CNTN1: variants seen among roughly 807,000 people sequenced by gnomAD.
The protein encoded by CNTN1 is contactin 1.
In CNTN1, 38 loss-of-function variants were observed where a neutral mutation model predicts 126.4. The ratio of observed to expected loss-of-function variants is 0.30; its 90% CI spans 0.23 to 0.39. The LOEUF (loss-of-function observed/expected upper bound fraction) is 0.39, where lower values mean the gene tolerates loss of function less well. CNTN1 is among the 10% of genes least tolerant of loss of function. The pLI, the probability that CNTN1 is intolerant of heterozygous loss-of-function variation, is 1.00. For synonymous variants in CNTN1, 413 were observed against 422.6 expected, an observed-to-expected ratio of 0.98 and a Z score of 0.28; for missense variants, 1,009 against 1,248.4, an observed-to-expected ratio of 0.81 and a Z score of 2.89.
At chr12:40,718,751 G>A (rs558789953) in intron 1 of CNTN1, among the ~76,000 whole-genome samples, 60 of 152,316 alleles carry the variant, frequency 3.9e-4, no homozygotes, top group Admixed American at 3.4e-3. Context: ...CAAGTTTAGA[G>A]TCAATAAGTG....
At chr12:40,865,742 A>G (rs1262260524) in intron 1 of CNTN1, among the ~76,000 whole-genome samples, 1 of 151,978 alleles carries the variant, frequency 6.6e-6, no homozygotes, top group Non-Finnish European at 1.5e-5. Context: ...GTGAATTTGA[A>G]ATTTAGAACT....
intron 1 of CNTN1, among the ~76,000 whole-genome samples, chr12:40,815,796 T>C (rs1242392531): frequency 6.6e-6 from 1 of 152,218 alleles, no homozygotes; most frequent in East Asian, 1.9e-4. Flanking sequence ...TTGTCATAAA[T>C]AGCTCTAATT....
intron 19 of CNTN1, among the ~76,000 whole-genome samples, chr12:41,017,889 C>T (rs1049835140): frequency 6.6e-5 from 10 of 151,852 alleles, no homozygotes; most frequent in Admixed American, 2.0e-4. Flanking sequence ...GTTGGGAGTT[C>T]GAGACCAGTG....
At chr12:40,696,983 AT>A in intron 1 of CNTN1, among the ~76,000 whole-genome samples, 1 of 152,280 alleles carries the variant, frequency 6.6e-6, no homozygotes, top group Admixed American at 6.5e-5. Flanking sequence ...ACATTTATTC[AT>A]TTCATTTAAT....
chr12:40,832,961 C>A (rs1256923310), intron 1 of CNTN1, among the ~76,000 whole-genome samples: 1 of 152,176 alleles, frequency 6.6e-6, no homozygotes, highest in East Asian at 1.9e-4. Context: ...ACAGTTCCCC[C>A]TCTCTCCCTC....
At chr12:40,861,888 C>T (rs1220467398) in intron 1 of CNTN1, among the ~76,000 whole-genome samples, 1 of 151,908 alleles carries the variant, frequency 6.6e-6, no homozygotes, top group East Asian at 1.9e-4. Context: ...TTACTTATGT[C>T]TTAAACCTCA....
chr12:40,840,440 C>T (rs1349419786), intron 1 of CNTN1, among the ~76,000 whole-genome samples: 4 of 151,934 alleles, frequency 2.6e-5, no homozygotes, highest in Non-Finnish European at 2.9e-5. Flanking sequence ...ATTATCTAGA[C>T]AGAAAATCAG....
intron 11 of CNTN1, among the ~76,000 whole-genome samples, chr12:40,939,006 G>GT (rs1218799202): frequency 6.6e-6 from 1 of 152,014 alleles, no homozygotes; most frequent in Non-Finnish European, 1.5e-5. Context: ...AAACTCCTGG[G>GT]TAAGCCATCT....
intron 1 of CNTN1, among the ~76,000 whole-genome samples, chr12:40,756,152 G>A (rs147637990): frequency 1.1e-4 from 16 of 152,178 alleles, no homozygotes; most frequent in African/African-American, 3.6e-4. Context: ...AGTGATTTTT[G>A]TAATGTGTCA....
At chr12:40,951,163 A>G (rs1330293411) in intron 14 of CNTN1, among the ~76,000 whole-genome samples, 2 of 152,170 alleles carry the variant, frequency 1.3e-5, no homozygotes, top group Non-Finnish European at 2.9e-5. Context: ...CAAAATGCTT[A>G]GGAGAAACCT....
chr12:40,830,584 A>G (rs1259796974), intron 1 of CNTN1, among the ~76,000 whole-genome samples: 1 of 151,208 alleles, frequency 6.6e-6, no homozygotes, highest in Non-Finnish European at 1.5e-5. Context: ...GTTTACTAAT[A>G]TAAGGGTTTA....
At position 40,755,963 on chromosome 12, in the gene CNTN1, A is replaced by G. The variant is rs1489872032; in HGVS notation, c.-77+63371A>G. ...GGTTTGGTTGGTTCAATTTCAGGAG[A>G]TTGTTCATAAATGTAAAGTGAAAAC... On this transcript the variant is annotated intron_variant, in intron 1 of 23. Transcript: ENST00000551295. Among the ~76,000 whole-genome samples the G allele has an allele frequency of 2.0e-5, 3 of 152,088 alleles. No individual in the cohort carries two copies. In the East Asian group the frequency reaches 5.8e-4, roughly 29 times the overall value.
chr12:40,895,100 G>A (rs1004327829), intron 1 of CNTN1, among the ~76,000 whole-genome samples: 1 of 152,102 alleles, frequency 6.6e-6, no homozygotes, highest in African/African-American at 2.4e-5. Flanking sequence ...TTTATAAAGT[G>A]TCAAATTGAT....
At chr12:40,998,245 A>AAAT (rs1948271108) in intron 17 of CNTN1, among the ~76,000 whole-genome samples, 1 of 152,210 alleles carries the variant, frequency 6.6e-6, no homozygotes, top group African/African-American at 2.4e-5. Context: ...TAATTTAAAC[A>AAAT]AATAGTCTGT....
intron 1 of CNTN1, among the ~76,000 whole-genome samples, chr12:40,822,599 G>C (rs192748980): frequency 1.3e-5 from 2 of 152,046 alleles, no homozygotes; most frequent in African/African-American, 4.8e-5. Flanking sequence ...ATTAAAGTGT[G>C]ATATAACGTA....
chr12:40,751,984 A>C (rs1371921489), intron 1 of CNTN1, among the ~76,000 whole-genome samples: 1 of 151,946 alleles, frequency 6.6e-6, no homozygotes, highest in African/African-American at 2.4e-5. Context: ...ATTTATTCGT[A>C]TTTATCTGAG....
At chr12:41,045,927 T>G (rs967211466) in intron 23 of CNTN1, among the ~76,000 whole-genome samples, 3 of 152,066 alleles carry the variant, frequency 2.0e-5, no homozygotes, top group Non-Finnish European at 4.4e-5. Context: ...AAGCAAATAA[T>G]CAGTCTTGGG....
At chr12:40,860,371 C>T (rs1565845083) in intron 1 of CNTN1, among the ~76,000 whole-genome samples, 1 of 152,106 alleles carries the variant, frequency 6.6e-6, no homozygotes, top group Admixed American at 6.6e-5. Flanking sequence ...TGGACACCAA[C>T]TGGGTGTTCA....
At chr12:41,020,477 C>A in intron 20 of CNTN1, 37 bp downstream of exon 20, 1 of 1,278,118 alleles carries the variant, frequency 7.8e-7, no homozygotes, top group Non-Finnish European at 1.1e-6. Flanking sequence ...TACATTTATT[C>A]ATAAATATAT....
Sources: gnomAD v4.1 joint callset for allele counts (sites outside exome capture counted in the v4.1 genomes callset) on GRCh38, gnomAD v4.1.1 for gene constraint, MANE v1.5 for transcripts, NCBI Gene and HGNC (gene_info 2026-07-23, HGNC 2026-07-21) for gene names.